Variants in GABBR2 observed in about 807,000 individuals in gnomAD.
The protein encoded by GABBR2 is gamma-aminobutyric acid type B receptor subunit 2, also known as G-protein coupled receptor 51.
In GABBR2, 23 loss-of-function variants were observed where a neutral mutation model predicts 105.6. The observed-to-expected ratio is 0.22, with a 90% confidence interval of 0.16 to 0.31. The LOEUF (loss-of-function observed/expected upper bound fraction) is 0.31. GABBR2 is among the 10% of genes least tolerant of loss of function. The pLI is 1.00. For synonymous variants in GABBR2, 478 were observed against 499.7 expected (o/e 0.96, Z 0.58); for missense variants, 734 against 1,245.5 (o/e 0.59, Z 6.18).
intron 1 of GABBR2, among the ~76,000 whole-genome samples, chr9:98,616,110 A>G (rs1273967208): frequency 6.6e-6 from 1 of 152,244 alleles, no homozygotes; most frequent in Non-Finnish European, 1.5e-5. Context: ...TGACTTAGCA[A>G]ATCCAAACAA....
At chr9:98,496,561 G>A (rs1207440940) in intron 3 of GABBR2, 47 bp from the exon 4 acceptor site, 2 of 1,298,336 alleles carry the variant, frequency 1.5e-6, no homozygotes, top group Non-Finnish European at 2.2e-6. Flanking sequence ...GGGACCACAG[G>A]AAGGGCCAGT....
chr9:98,634,846 CCT>C (rs1191949119), intron 1 of GABBR2, among the ~76,000 whole-genome samples: 14 of 152,150 alleles, frequency 9.2e-5, no homozygotes, highest in Non-Finnish European at 1.6e-4. Flanking sequence ...TGCCTCTCCC[CCT>C]CTGTCACGCC....
chr9:98,640,804 T>C (rs375743071), intron 1 of GABBR2, among the ~76,000 whole-genome samples: 6 of 152,132 alleles, frequency 3.9e-5, no homozygotes, highest in African/African-American at 1.4e-4. Flanking sequence ...CTGCGGAGAC[T>C]CAGAGATTCT....
At chr9:98,535,401 C>T (rs561854763) in intron 3 of GABBR2, among the ~76,000 whole-genome samples, 5 of 151,360 alleles carry the variant, frequency 3.3e-5, no homozygotes, top group African/African-American at 7.3e-5. Context: ...ACACTCAGCC[C>T]GGATGGAGGA....
intron 7 of GABBR2, among the ~76,000 whole-genome samples, chr9:98,434,271 CCT>C (rs1825863758): frequency 6.6e-6 from 1 of 152,120 alleles, no homozygotes; most frequent in Non-Finnish European, 1.5e-5. Context: ...TATTGTGGGA[CCT>C]CACCTTTTGA....
intron 7 of GABBR2, among the ~76,000 whole-genome samples, chr9:98,410,848 G>A (rs181147306): frequency 4.7e-4 from 71 of 152,294 alleles, no homozygotes; most frequent in Admixed American, 2.1e-3. Flanking sequence ...CAGGGGCAAT[G>A]GCAACATCAC....
At chr9:98,298,041 TAAA>T (rs34384818) in intron 17 of GABBR2, among the ~76,000 whole-genome samples, 1 of 133,550 alleles carries the variant, frequency 7.5e-6, no homozygotes. Context: ...GACTCCATCT[TAAA>T]AAAAAAAAAA....
At chr9:98,399,433 G>A (rs1372359560) in intron 8 of GABBR2, among the ~76,000 whole-genome samples, 1 of 151,832 alleles carries the variant, frequency 6.6e-6, no homozygotes, top group Non-Finnish European at 1.5e-5. Context: ...AGACCTGAGT[G>A]CCCTCCTCTG....
At chr9:98,315,662 C>A (rs939036307) in intron 13 of GABBR2, among the ~76,000 whole-genome samples, 3 of 152,266 alleles carry the variant, frequency 2.0e-5, no homozygotes, top group Non-Finnish European at 2.9e-5. Flanking sequence ...TACCCACCCC[C>A]CAACCCCCAG....
intron 1 of GABBR2, among the ~76,000 whole-genome samples, chr9:98,702,149 C>T (rs1372011173): frequency 6.6e-6 from 1 of 152,106 alleles, no homozygotes; most frequent in Non-Finnish European, 1.5e-5. Flanking sequence ...AAACCCAGGT[C>T]TCCTGACCCT....
intron 1 of GABBR2, among the ~76,000 whole-genome samples, chr9:98,673,028 C>T (rs1447240321): frequency 2.6e-5 from 4 of 152,190 alleles, no homozygotes; most frequent in African/African-American, 7.2e-5. Context: ...AGTTAAAATT[C>T]AAGTGACTGT....
intron 13 of GABBR2, among the ~76,000 whole-genome samples, chr9:98,332,234 G>C (rs1488676033): frequency 1.3e-5 from 2 of 152,196 alleles, no homozygotes; most frequent in African/African-American, 4.8e-5. Context: ...GGCCATGGAA[G>C]TGCACTGGAA....
intron 13 of GABBR2, among the ~76,000 whole-genome samples, chr9:98,347,150 C>T (rs1420023348): frequency 2.6e-5 from 4 of 152,130 alleles, no homozygotes; most frequent in African/African-American, 7.2e-5. Context: ...CTGAGAAACC[C>T]CCACATTATT....
At chr9:98,448,856 T>A (rs1826182239) in intron 7 of GABBR2, among the ~76,000 whole-genome samples, 1 of 151,994 alleles carries the variant, frequency 6.6e-6, no homozygotes, top group Non-Finnish European at 1.5e-5. Flanking sequence ...ACCCAAAGGA[T>A]TTGTCGACCT....
rs181299309 is a variant in GABBR2, at chr9:98,346,203, C to T, written c.1893+16512G>A. Among the ~76,000 whole-genome samples, 10 of 152,330 alleles carry T rather than the reference C, an allele frequency of 6.6e-5. No homozygotes were observed. In the East Asian group the frequency reaches 1.9e-3, roughly 29 times the overall value. ...CTTTTCGTAAATGATTTCTTTGTATCATGCAATGCTGTTTGATAGCATTTT... is the reference window on the plus strand; with the variant it reads ...CTTTTCGTAAATGATTTCTTTGTATTATGCAATGCTGTTTGATAGCATTTT... On this transcript the variant is annotated intron_variant, in intron 13 of 18. Transcript: ENST00000259455.
chr9:98,422,496 C>CTGTG (rs370880704), intron 7 of GABBR2, among the ~76,000 whole-genome samples: 10,075 of 146,420 alleles, frequency 0.069, 586 homozygotes, highest in African/African-American at 0.17. Flanking sequence ...CTTAATGCAC[C>CTGTG]TGTGTGTGTG....
At position 98,541,937 on chromosome 9, in the gene GABBR2, A is replaced by C. The variant is rs745446197; in HGVS notation, c.566T>G (p.Leu189Trp). The C allele has an allele frequency of 6.2e-7, 1 of 1,614,216 alleles. No individual in the cohort carries two copies. Among genetic ancestry groups the C allele is most frequent in the Non-Finnish European group, 8.5e-7 (1 of 1,180,006 alleles). The change falls in exon 3 of 19, where the codon TTG (leucine) becomes TGG (tryptophan). Residue 189 changes from leucine (L) to tryptophan (W), a missense_variant. Transcript: ENST00000259455. Reference protein sequence around the residue: ...DNAVNPAILKLLKHYQWKRVG... With the variant: ...DNAVNPAILKWLKHYQWKRVG... ...GCGCTTCCACTGGTAGTGCTTGAGC[A>C]ACTTCAGAATGGCTGGATTCACCGC...
intron 1 of GABBR2, among the ~76,000 whole-genome samples, chr9:98,697,515 T>C (rs337549): frequency 0.8 from 121,251 of 150,692 alleles, 49,117 homozygotes; most frequent in African/African-American, 0.91. Flanking sequence ...GAGTAAGGAC[T>C]TCATAGGACT....
chr9:98,394,350 G>T, intron 8 of GABBR2, 95 bp from the exon 9 acceptor site: 1 of 820,420 alleles, frequency 1.2e-6, no homozygotes, highest in Non-Finnish European at 2.1e-6. Flanking sequence ...CACAGGCCCT[G>T]GATATATTCT....
Sources: allele counts gnomAD v4.1 joint callset (sites outside exome capture counted in the v4.1 genomes callset), GRCh38; gene constraint gnomAD v4.1.1; transcripts MANE v1.5; gene names NCBI Gene and HGNC (gene_info 2026-07-23, HGNC 2026-07-21).